Variants in MMS22L observed in about 807,000 individuals in gnomAD.
MMS22L encodes MMS22 like, DNA repair protein, also known as protein MMS22-like.
MMS22L carries 74 observed loss-of-function variants against 159.1 expected under a neutral mutation model. That is an observed-to-expected ratio of 0.47 (90% CI 0.39 to 0.56). The LOEUF is 0.56. MMS22L is among the 20% of genes least tolerant of loss of function. The probability of loss-of-function intolerance (pLI) is 0.00; values close to 1 mark genes in which losing one functional copy is unlikely to be tolerated. For synonymous variants in MMS22L, 517 were observed against 506.9 expected (o/e 1.02, Z -0.27); for missense variants, 1,351 against 1,422.1 (o/e 0.95, Z 0.80).
Position 97,246,999 on chromosome 6 carries a change from A to T in MMS22L, c.1120-309T>A, listed in dbSNP as rs1338097410. ...CAAAATCCAACAGGAAAAAAAAAAA[A>T]TTATATAGCCACATGTATTTTTGGT... is the stretch of plus-strand genomic sequence containing the variant. On this transcript the variant is annotated intron_variant, in intron 10 of 24. Coordinates refer to ENST00000683635, the MANE Select transcript of MMS22L (RefSeq NM_001350599.2). Among the ~76,000 whole-genome samples the T allele has an allele frequency of 2.1e-5, 3 of 143,098 alleles. No individual in the cohort carries two copies. In the Admixed American group the frequency reaches 2.1e-4, roughly 10 times the overall value. 93.9% of individuals were successfully genotyped at this position (143,098 alleles called of 152,430 possible).
Position 97,146,613 on chromosome 6 carries a change from T to A in MMS22L, c.*193A>T, listed in dbSNP as rs1800935610. On this transcript the variant is annotated 3_prime_UTR_variant, in exon 25 of 25. Coordinates refer to ENST00000683635, the MANE Select transcript of MMS22L (RefSeq NM_001350599.2). Reference sequence around the variant, plus strand: ...GCAGTTTTGTAAAAAGTTCCAAGGATCCTATTACACAGTTGCTAATTAACC... The same window carrying A: ...GCAGTTTTGTAAAAAGTTCCAAGGAACCTATTACACAGTTGCTAATTAACC... The A allele has an allele frequency of 1.1e-5, 4 of 372,932 alleles. No homozygotes were observed. In the East Asian group the frequency reaches 1.9e-4, roughly 18 times the overall value. 23.1% of individuals were successfully genotyped at this position (372,932 alleles called of 1,614,324 possible).
At chr6:97,249,305 C>A (rs902032643) in intron 10 of MMS22L, among the ~76,000 whole-genome samples, 3 of 152,200 alleles carry the variant, frequency 2.0e-5, no homozygotes, top group African/African-American at 7.2e-5. Flanking sequence ...TGGACTCTGG[C>A]CTATGCCCTT....
chr6:97,166,811 C>T (rs1803004847), intron 20 of MMS22L, among the ~76,000 whole-genome samples: 1 of 152,108 alleles, frequency 6.6e-6, no homozygotes, highest in Non-Finnish European at 1.5e-5. Flanking sequence ...CTGCTCACCA[C>T]TCCCCTCTAT....
rs753610809 is a variant in MMS22L, at chr6:97,186,573, T to C, written c.2157A>G (p.Arg719=). 3.1e-6 allele frequency: 5 copies of C among 1,612,908 alleles called. No homozygotes were observed. The South Asian group carries it at 5.5e-5, about 18-fold the overall frequency. Residue 719 remains arginine (R), a synonymous_variant, in exon 15 of 25, where the codon AGA becomes AGG. Coordinates refer to ENST00000683635, the MANE Select transcript of MMS22L (RefSeq NM_001350599.2). ...GACTCTTCAAAAATGAAAAGAAATG[T>C]CTCCACAGTGCACTGGCAACTGCAG... ...HLAAVASALW[R]HFFSFLKSQR... is the part of the protein sequence containing the mutation.
At chr6:97,167,349 CA>C (rs1349230324) in intron 20 of MMS22L, among the ~76,000 whole-genome samples, 1 of 152,112 alleles carries the variant, frequency 6.6e-6, no homozygotes, top group African/African-American at 2.4e-5. Context: ...TCACAGCTCC[CA>C]AATGTTTTTG....
intron 11 of MMS22L, among the ~76,000 whole-genome samples, chr6:97,238,150 A>G (rs77619628): frequency 0.019 from 2,890 of 152,316 alleles, 82 homozygotes; most frequent in African/African-American, 0.067. Context: ...CTCAGTCTGT[A>G]AAAGTATAAA....
intron 4 of MMS22L, among the ~76,000 whole-genome samples, chr6:97,278,149 A>G (rs1353186011): frequency 6.6e-6 from 1 of 152,204 alleles, no homozygotes; most frequent in African/African-American, 2.4e-5. Flanking sequence ...CATGCCTGTA[A>G]TCCTAGCACT....
intron 14 of MMS22L, among the ~76,000 whole-genome samples, chr6:97,208,112 G>A (rs1343952197): frequency 6.6e-6 from 1 of 152,030 alleles, no homozygotes; most frequent in Non-Finnish European, 1.5e-5. Context: ...ACTACATACA[G>A]GACCAACCTG....
chr6:97,278,760 G>T, intron 4 of MMS22L, 89 bp downstream of exon 4: 1 of 1,023,662 alleles, frequency 9.8e-7, no homozygotes, highest in Non-Finnish European at 1.5e-6. Flanking sequence ...GTATTATCAT[G>T]ATATGCCAAT....
chr6:97,208,257 C>T (rs1417429315), intron 14 of MMS22L, among the ~76,000 whole-genome samples: 1 of 151,990 alleles, frequency 6.6e-6, no homozygotes, highest in Non-Finnish European at 1.5e-5. Context: ...GCCTTTATTA[C>T]CACAATGATT....
intron 15 of MMS22L, among the ~76,000 whole-genome samples, chr6:97,183,235 T>C (rs929525920): frequency 2.0e-5 from 3 of 152,162 alleles, no homozygotes; most frequent in Non-Finnish European, 4.4e-5. Context: ...CATTTCCTCA[T>C]CCCTCCTTGT....
chr6:97,264,162 A>G (rs1178008699), intron 8 of MMS22L: 1 of 152,160 alleles, frequency 6.6e-6, no homozygotes, highest in Non-Finnish European at 1.5e-5. Context: ...GTAAAACTAT[A>G]TTTACAAAAA....
chr6:97,277,177 G>A (rs1207491609), intron 4 of MMS22L, among the ~76,000 whole-genome samples: 1 of 152,152 alleles, frequency 6.6e-6, no homozygotes, highest in Non-Finnish European at 1.5e-5. Context: ...CGCTTTGGGA[G>A]GCCGAGGTGG....
intron 15 of MMS22L, among the ~76,000 whole-genome samples, chr6:97,185,999 T>C (rs1292808103): frequency 2.0e-5 from 3 of 152,022 alleles, no homozygotes; most frequent in African/African-American, 7.2e-5. Flanking sequence ...TGTCTTTAGG[T>C]TAATAATCAA....
At chr6:97,250,661 T>C (rs1442797120) in intron 10 of MMS22L, among the ~76,000 whole-genome samples, 2 of 152,116 alleles carry the variant, frequency 1.3e-5, no homozygotes, top group Non-Finnish European at 2.9e-5. Context: ...CACTAAGAAA[T>C]TGGCTAGCTT....
At chr6:97,168,466 C>A (rs1803203707) in intron 19 of MMS22L, among the ~76,000 whole-genome samples, 1 of 152,048 alleles carries the variant, frequency 6.6e-6, no homozygotes, top group Non-Finnish European at 1.5e-5. Context: ...ATTTTCCGAG[C>A]AACTGGCATT....
rs1469577538 is a variant in MMS22L at position 97,217,527 on chromosome 6, T to C, written c.2039+11367A>G. Among the ~76,000 whole-genome samples the C allele has an allele frequency of 2.6e-5, 4 of 152,130 alleles. No homozygotes were observed. In the East Asian group the frequency reaches 7.7e-4, roughly 29 times the overall value. ...GCCTCAGACTCCCAAAGTGCTAGGA[T>C]TACAGGTGTGAGCCACTGCACCCAG... On this transcript the variant is annotated intron_variant, in intron 14 of 24. Transcript: ENST00000683635.
At chr6:97,199,383 T>C (rs906915123) in intron 14 of MMS22L, among the ~76,000 whole-genome samples, 1 of 152,062 alleles carries the variant, frequency 6.6e-6, no homozygotes, top group Non-Finnish European at 1.5e-5. Flanking sequence ...CACAGTGAAA[T>C]TTGCTTTATA....
At chr6:97,242,066 T>C (rs982281398) in intron 11 of MMS22L, among the ~76,000 whole-genome samples, 2 of 152,198 alleles carry the variant, frequency 1.3e-5, no homozygotes, top group African/African-American at 2.4e-5. Context: ...GAAGAGAATG[T>C]ATATTCTGCA....
Sources: gnomAD v4.1 joint callset for allele counts (sites outside exome capture counted in the v4.1 genomes callset) on GRCh38, gnomAD v4.1.1 for gene constraint, MANE v1.5 for transcripts, NCBI Gene and HGNC (gene_info 2026-07-23, HGNC 2026-07-21) for gene names.